The following NXPE2 variants were observed in gnomAD, a reference collection of about 807,000 sequenced individuals.
NXPE2 encodes the protein neurexophilin and PC-esterase domain family member 2, also known as NXPE family member 2.
Under a neutral mutation model 34.4 loss-of-function variants are expected in NXPE2, and 34 were observed. The ratio of observed to expected loss-of-function variants is 0.99; its 90% CI spans 0.75 to 1.31. The LOEUF is 1.31. NXPE2 is among the 40% of genes most tolerant of loss of function. NXPE2 has a pLI of 0.00. For synonymous variants in NXPE2, 235 were observed against 231.3 expected, an observed-to-expected ratio of 1.02 and a Z score of -0.15; for missense variants, 649 against 672.5, an observed-to-expected ratio of 0.97 and a Z score of 0.39.
chr11:114,683,807 T>C (rs773407702), intron 2 of NXPE2, among the ~76,000 whole-genome samples: 2 of 152,044 alleles, frequency 1.3e-5, no homozygotes, highest in Non-Finnish European at 2.9e-5. Flanking sequence ...GTGATCTGGG[T>C]GAGAGGTAAT....
chr11:114,774,019 T>C, the NXPE2 span, among the ~76,000 whole-genome samples: 9 of 152,220 alleles, frequency 5.9e-5, no homozygotes, highest in African/African-American at 1.7e-4. Context: ...GGCCCTCAGT[T>C]GGCCTACCAA....
chr11:114,602,313 T>C, the NXPE2 span, among the ~76,000 whole-genome samples: 2 of 114,606 alleles, frequency 1.7e-5, no homozygotes, highest in Non-Finnish European at 3.4e-5. Flanking sequence ...CTATATATAA[T>C]ATATATTATA....
chr11:114,481,211 ATACT>A, the NXPE2 span, among the ~76,000 whole-genome samples: 4 of 152,196 alleles, frequency 2.6e-5, no homozygotes, highest in African/African-American at 9.6e-5. Flanking sequence ...TATTTGAATA[ATACT>A]TAGTGTTGCC....
At chr11:114,626,275 A>T in the NXPE2 span, among the ~76,000 whole-genome samples, 2 of 152,334 alleles carry the variant, frequency 1.3e-5, no homozygotes, top group South Asian at 2.1e-4. Flanking sequence ...TAAATGTCCC[A>T]GTCTGACAGC....
chr11:114,522,964 A>G, the NXPE2 span: 106 of 1,613,692 alleles, frequency 6.6e-5, no homozygotes, highest in Admixed American at 1.8e-4. Context: ...TCAAACAGCC[A>G]TTTATCTTAA....
chr11:114,734,635 T>C, the NXPE2 span, among the ~76,000 whole-genome samples: 4 of 152,206 alleles, frequency 2.6e-5, no homozygotes, highest in East Asian at 5.8e-4. Flanking sequence ...TGACTTCTAA[T>C]TTACTTAGTT....
At chr11:114,494,647 T>G in the NXPE2 span, among the ~76,000 whole-genome samples, 1 of 152,220 alleles carries the variant, frequency 6.6e-6, no homozygotes, top group Admixed American at 6.5e-5. Context: ...AAAACAGCTG[T>G]TTTGAATTCT....
the NXPE2 span, chr11:114,594,764 AGGAT>A: frequency 7.1e-7 from 1 of 1,409,474 alleles, no homozygotes; most frequent in Non-Finnish European, 1.0e-6. Flanking sequence ...TTTCATGATT[AGGAT>A]CCTACAAGAG....
chr11:114,760,195 G>A, the NXPE2 span, among the ~76,000 whole-genome samples: 1 of 152,116 alleles, frequency 6.6e-6, no homozygotes, highest in African/African-American at 2.4e-5. Context: ...GGTCATGAGG[G>A]CAGAGCCCTC....
the NXPE2 span, among the ~76,000 whole-genome samples, chr11:114,802,912 A>AC: frequency 7.2e-5 from 11 of 151,860 alleles, no homozygotes; most frequent in South Asian, 6.2e-4. Flanking sequence ...TTAAAAAAAA[A>AC]CGGAGAATTA....
At chr11:114,588,462 T>G in the NXPE2 span, among the ~76,000 whole-genome samples, 1 of 152,128 alleles carries the variant, frequency 6.6e-6, no homozygotes, top group Admixed American at 6.6e-5. Context: ...AAACCCTAAC[T>G]GCAGCTGAAA....
chr11:114,691,044 C>T (rs1951139379), intron 2 of NXPE2, among the ~76,000 whole-genome samples: 1 of 151,930 alleles, frequency 6.6e-6, no homozygotes, highest in Admixed American at 6.6e-5. Flanking sequence ...GTTTCCTTGC[C>T]ATTCACATTC....
At chr11:114,620,990 C>A in the NXPE2 span, among the ~76,000 whole-genome samples, 1 of 152,154 alleles carries the variant, frequency 6.6e-6, no homozygotes. Flanking sequence ...CACTGTTGCC[C>A]TCTGGATAAT....
upstream of NXPE2, chr11:114,678,311 G>C (rs1207543921): frequency 2.8e-6 from 1 of 353,732 alleles, no homozygotes; most frequent in African/African-American, 2.1e-5. Context: ...GTGACTCAGT[G>C]CTGCAATTAG....
At chr11:114,594,609 G>T in the NXPE2 span, 9 of 1,118,002 alleles carry the variant, frequency 8.1e-6, no homozygotes, top group African/African-American at 1.4e-4. Context: ...TAGAACAGAT[G>T]AGGTAATAAG....
At chr11:114,644,811 G>A in the NXPE2 span, among the ~76,000 whole-genome samples, 1 of 151,418 alleles carries the variant, frequency 6.6e-6, no homozygotes, top group Non-Finnish European at 1.5e-5. Flanking sequence ...AGCCCACCCT[G>A]CCAGATATCA....
intron 1 of NXPE2, among the ~76,000 whole-genome samples, chr11:114,678,845 C>T (rs944665971): frequency 6.8e-5 from 10 of 146,092 alleles, no homozygotes; most frequent in Non-Finnish European, 1.1e-4. Flanking sequence ...AGTTTTGGGG[C>T]GTGTATGTGT....
the NXPE2 span, among the ~76,000 whole-genome samples, chr11:114,591,577 A>G: frequency 6.6e-6 from 1 of 151,876 alleles, no homozygotes; most frequent in East Asian, 1.9e-4. Flanking sequence ...AAGCCTCAGT[A>G]CTCCCCTGCA....
chr11:114,799,320 T>C, the NXPE2 span, among the ~76,000 whole-genome samples: 1 of 129,040 alleles, frequency 7.7e-6, no homozygotes, highest in Non-Finnish European at 1.6e-5. Flanking sequence ...AAAAAATTGG[T>C]GGCATCAGTT....
Sources: gnomAD v4.1 joint callset for allele counts (sites outside exome capture counted in the v4.1 genomes callset) on GRCh38, gnomAD v4.1.1 for gene constraint, MANE v1.5 for transcripts, NCBI Gene and HGNC (gene_info 2026-07-23, HGNC 2026-07-21) for gene names.